CDS1: variants seen among roughly 807,000 people sequenced by gnomAD.
CDS1 encodes the protein CDP-diacylglycerol synthase 1.
In CDS1, 41 loss-of-function variants were observed where a neutral mutation model predicts 62.1. The observed-to-expected ratio is 0.66, with a 90% CI of 0.51 to 0.86. The LOEUF is 0.86. CDS1 is among the 40% of genes least tolerant of loss of function. The probability of loss-of-function intolerance (pLI) is 0.00; values close to 1 mark genes in which losing one functional copy is unlikely to be tolerated. For missense variants in CDS1, 470 were observed against 550.1 expected, an observed-to-expected ratio of 0.85 and a Z score of 1.46; for synonymous variants, 185 against 192.6, an observed-to-expected ratio of 0.96 and a Z score of 0.32.
At chr4:84,643,516 G>C (rs1022349784) in intron 11 of CDS1, among the ~76,000 whole-genome samples, 1 of 151,998 alleles carries the variant, frequency 6.6e-6, no homozygotes, top group African/African-American at 2.4e-5. Flanking sequence ...AGAACCTTTG[G>C]CTATGTAACT....
intron 5 of CDS1, among the ~76,000 whole-genome samples, chr4:84,621,765 T>C (rs1044018884): frequency 6.6e-6 from 1 of 152,100 alleles, no homozygotes; most frequent in Admixed American, 6.5e-5. Context: ...CTTTCCAAAT[T>C]TGTTCCTTCA....
At chr4:84,612,481 A>T (rs1416882282) in intron 3 of CDS1, among the ~76,000 whole-genome samples, 1 of 151,926 alleles carries the variant, frequency 6.6e-6, no homozygotes, top group Non-Finnish European at 1.5e-5. Flanking sequence ...ATTTGTGGAT[A>T]AAAACTATTT....
At chr4:84,602,550 C>T (rs1003645804) in intron 1 of CDS1, among the ~76,000 whole-genome samples, 1 of 152,198 alleles carries the variant, frequency 6.6e-6, no homozygotes, top group Non-Finnish European at 1.5e-5. Flanking sequence ...GAGCTAGTAA[C>T]TCCTGATTCC....
intron 3 of CDS1, among the ~76,000 whole-genome samples, chr4:84,610,172 A>G (rs925225463): frequency 6.6e-6 from 1 of 152,218 alleles, no homozygotes; most frequent in Admixed American, 6.5e-5. Context: ...ATGATAGAAC[A>G]TGTTAGGAGT....
At chr4:84,601,488 C>T (rs944011668) in intron 1 of CDS1, among the ~76,000 whole-genome samples, 5 of 152,116 alleles carry the variant, frequency 3.3e-5, no homozygotes, top group East Asian at 1.9e-4. Context: ...GGGAATCATC[C>T]GTGTATGGGG....
chr4:84,646,654 G>T (rs1724566144), intron 12 of CDS1, among the ~76,000 whole-genome samples: 1 of 152,018 alleles, frequency 6.6e-6, no homozygotes, highest in African/African-American at 2.4e-5. Context: ...TCTATGATTT[G>T]AGTATTTTAT....
chr4:84,634,152 A>C (rs551925010), intron 7 of CDS1, among the ~76,000 whole-genome samples: 109 of 152,316 alleles, frequency 7.2e-4, no homozygotes, highest in African/African-American at 2.6e-3. Flanking sequence ...CAAGTTCCAA[A>C]TATAGGAAGT....
intron 3 of CDS1, among the ~76,000 whole-genome samples, chr4:84,616,227 G>C (rs1723489291): frequency 1.3e-5 from 2 of 152,194 alleles, no homozygotes; most frequent in African/African-American, 2.4e-5. Flanking sequence ...TTTGAAGAAG[G>C]ACACTTAGAT....
intron 12 of CDS1, among the ~76,000 whole-genome samples, chr4:84,645,653 A>G (rs1302920544): frequency 1.3e-5 from 2 of 152,190 alleles, no homozygotes. Context: ...AGAGTTAAAA[A>G]GGGAGATAAC....
chr4:84,647,981 A>G (rs1408625886), intron 12 of CDS1, among the ~76,000 whole-genome samples: 1 of 151,876 alleles, frequency 6.6e-6, no homozygotes, highest in African/African-American at 2.4e-5. Context: ...TTTATATTGG[A>G]GTTCACCTAG....
rs559625566 is a variant in CDS1 at position 84,597,294 on chromosome 4, G to A, written c.118-6949G>A. ...GCTTTATCAATTATCATTAATTAGT[G>A]TAGGATAGGACCACAGAGCTGATGA... On this transcript the variant is annotated intron_variant, in intron 1 of 12. Transcript: ENST00000295887. Among the ~76,000 whole-genome samples, 8 of 152,252 alleles carry A rather than the reference G, an allele frequency of 5.3e-5. No individual in the cohort carries two copies. In the East Asian group the frequency reaches 1.5e-3, roughly 29 times the overall value.
Position 84,634,279 on chromosome 4 carries a change from A to G in CDS1, c.722+340A>G, listed in dbSNP as rs1433873085. Among the ~76,000 whole-genome samples the G allele has an allele frequency of 2.0e-5, 3 of 152,136 alleles. No individual in the cohort carries two copies. The East Asian group carries it at 5.8e-4, about 29-fold the overall frequency. ...TTTATTAAGATATTATTTACATAGA[A>G]TGCAAAAAAATATAAAACTTTGCCT... On this transcript the variant is annotated intron_variant, in intron 7 of 12. Coordinates refer to ENST00000295887, the MANE Select transcript of CDS1 (RefSeq NM_001263.4).
chr4:84,621,272 A>G (rs1287925987), intron 5 of CDS1, among the ~76,000 whole-genome samples: 4 of 152,190 alleles, frequency 2.6e-5, no homozygotes, highest in African/African-American at 9.6e-5. Flanking sequence ...CCAATAAATG[A>G]ATTTTTCTCC....
At chr4:84,587,753 A>G (rs1722464243) in intron 1 of CDS1, among the ~76,000 whole-genome samples, 1 of 152,116 alleles carries the variant, frequency 6.6e-6, no homozygotes, top group South Asian at 2.1e-4. Context: ...GGGTGGGAGG[A>G]GGGAGACAGA....
Position 84,640,972 on chromosome 4 carries a change from A to G in CDS1, c.1014A>G (p.Leu338=). The G allele has an allele frequency of 6.3e-7, 1 of 1,596,242 alleles. No homozygotes were observed. The highest frequency in any genetic ancestry group is 8.5e-7 in the Non-Finnish European group (1 of 1,172,414). The part of the protein sequence containing the change: ...QLQTYSLPPF[L]KAVLRQERVS... ...AGACTTACTCACTTCCACCCTTTCT[A>G]AAGGCAGTCTTGAGACAGGTACAGT... Residue 338 remains leucine (L), a synonymous_variant, in exon 10 of 13, where the codon CTA becomes CTG. Coordinates refer to ENST00000295887, the MANE Select transcript of CDS1 (RefSeq NM_001263.4).
intron 1 of CDS1, among the ~76,000 whole-genome samples, chr4:84,597,587 C>T (rs1722790796): frequency 6.6e-6 from 1 of 152,080 alleles, no homozygotes; most frequent in Non-Finnish European, 1.5e-5. Context: ...TGTAGTGAGT[C>T]ATGATAGTGC....
At chr4:84,643,215 C>G in intron 11 of CDS1, 72 bp downstream of exon 11, 1 of 1,496,338 alleles carries the variant, frequency 6.7e-7, no homozygotes, top group East Asian at 2.3e-5. Flanking sequence ...GGAATTTGGT[C>G]CGCTCATGAT....
At chr4:84,635,022 T>TAATATTTTCCTTAAC (rs3840106) in intron 7 of CDS1, among the ~76,000 whole-genome samples, 1 of 151,624 alleles carries the variant, frequency 6.6e-6, no homozygotes. Flanking sequence ...ATCAATAATT[T>TAATATTTTCCTTAAC]AATATTTTCC....
At chr4:84,607,745 A>T (rs931328381) in intron 2 of CDS1, among the ~76,000 whole-genome samples, 2 of 152,088 alleles carry the variant, frequency 1.3e-5, no homozygotes, top group Non-Finnish European at 1.5e-5. Context: ...TTTTTTAAAA[A>T]AAAGGAGTGA....
Sources: allele counts gnomAD v4.1 joint callset (sites outside exome capture counted in the v4.1 genomes callset), GRCh38; gene constraint gnomAD v4.1.1; transcripts MANE v1.5; gene names NCBI Gene and HGNC (gene_info 2026-07-23, HGNC 2026-07-21).